The following RBFOX1 variants were observed in gnomAD, a reference collection of about 807,000 sequenced individuals.
RBFOX1 encodes the protein RNA binding fox-1 homolog 1.
RBFOX1 carries 8 observed loss-of-function variants against 57.7 expected under a neutral mutation model. That is an observed-to-expected ratio of 0.14 (90% CI 0.08 to 0.25). RBFOX1 has a LOEUF of 0.25. Among genes scored for constraint, RBFOX1 ranks in the 10% least tolerant of loss-of-function variants. The pLI is 1.00. For synonymous variants in RBFOX1, 326 were observed against 222.4 expected (o/e 1.47, Z -4.15); for missense variants, 611 against 548.5 (o/e 1.11, Z -1.14).
intron 4 of RBFOX1, among the ~76,000 whole-genome samples, chr16:7,135,320 C>G (rs531552781): frequency 7.9e-5 from 12 of 152,116 alleles, no homozygotes; most frequent in Non-Finnish European, 1.5e-4. Context: ...TATTTGTTTG[C>G]AAGAGGAAAT....
chr16:6,133,847 G>A (rs566603771), intron 1 of RBFOX1, among the ~76,000 whole-genome samples: 87 of 152,068 alleles, frequency 5.7e-4, no homozygotes, highest in African/African-American at 2.0e-3. Flanking sequence ...ACACACACAC[G>A]TTTGCTTACC....
At chr16:6,018,184 A>G (rs959026006), upstream of RBFOX1, among the ~76,000 whole-genome samples, 1 of 68,554 alleles carries the variant, frequency 1.5e-5, no homozygotes, top group Non-Finnish European at 2.6e-5. Context: ...AAGGGAGGAA[A>G]GGAGGAAGGA....
At chr16:7,381,090 C>T (rs965331361) in intron 4 of RBFOX1, among the ~76,000 whole-genome samples, 5 of 152,152 alleles carry the variant, frequency 3.3e-5, no homozygotes, top group African/African-American at 1.2e-4. Flanking sequence ...AGATGTTATG[C>T]GTCAAACAAA....
chr16:5,905,007 G>C (rs970741282), intron 4 of RBFOX1, among the ~76,000 whole-genome samples: 12 of 141,420 alleles, frequency 8.5e-5, no homozygotes, highest in African/African-American at 2.1e-4. Flanking sequence ...GAGGTAATCA[G>C]ATGAAAATAA....
At chr16:7,537,379 T>C (rs1460833656) in intron 5 of RBFOX1, among the ~76,000 whole-genome samples, 2 of 152,184 alleles carry the variant, frequency 1.3e-5, no homozygotes, top group Non-Finnish European at 2.9e-5. Flanking sequence ...AGAGTGACCA[T>C]TGAGGATGTG....
chr16:7,106,205 G>A lies in RBFOX1; in HGVS notation c.27+54107G>A, dbSNP rs112566452. On this transcript the variant is annotated intron_variant, in intron 4 of 15. Coordinates refer to ENST00000550418, the MANE Select transcript of RBFOX1 (RefSeq NM_018723.4). Reference sequence around the variant, plus strand: ...TTCCTGTGGGCTCTTTTTTGTTTTCGTGTGTCAGGTTCATAATGACTGTGT... The same window carrying A: ...TTCCTGTGGGCTCTTTTTTGTTTTCATGTGTCAGGTTCATAATGACTGTGT... 3.2e-3 allele frequency among the ~76,000 whole-genome samples: 488 copies of A among 152,094 alleles called. 4 individuals carry two copies. Among genetic ancestry groups the A allele is most frequent in the African/African-American group, 0.011 (458 of 41,472 alleles).
At chr16:7,690,339 A>G (rs2077046283) in intron 14 of RBFOX1, among the ~76,000 whole-genome samples, 3 of 152,212 alleles carry the variant, frequency 2.0e-5, no homozygotes, top group Admixed American at 6.6e-5. Context: ...AAGCATTTAA[A>G]AACTGCTGAG....
At chr16:6,241,209 A>T (rs1032825321) in intron 1 of RBFOX1, among the ~76,000 whole-genome samples, 4 of 152,202 alleles carry the variant, frequency 2.6e-5, no homozygotes, top group Non-Finnish European at 4.4e-5. Context: ...TCCCGTTCAG[A>T]CGGGGCACTA....
At chr16:7,545,321 G>A (rs1339690819) in intron 5 of RBFOX1, among the ~76,000 whole-genome samples, 1 of 151,862 alleles carries the variant, frequency 6.6e-6, no homozygotes, top group East Asian at 1.9e-4. Context: ...GGGTCATGGG[G>A]GTGGAGGTGG....
intron 2 of RBFOX1, among the ~76,000 whole-genome samples, chr16:6,605,583 A>C (rs753056649): frequency 1.3e-5 from 2 of 152,106 alleles, no homozygotes; most frequent in Non-Finnish European, 2.9e-5. Context: ...TCTCATTTTT[A>C]CTTGTGCTGC....
chr16:6,958,413 C>G (rs1047151419), intron 3 of RBFOX1, among the ~76,000 whole-genome samples: 3 of 152,024 alleles, frequency 2.0e-5, no homozygotes, highest in Admixed American at 2.0e-4. Flanking sequence ...TTTTTATGAT[C>G]GGGTATCATT....
chr16:6,725,211 C>T (rs967251273), intron 3 of RBFOX1, among the ~76,000 whole-genome samples: 2 of 151,892 alleles, frequency 1.3e-5, no homozygotes, highest in African/African-American at 4.8e-5. Context: ...CCACCATGCC[C>T]AGCTAATTTT....
intron 3 of RBFOX1, among the ~76,000 whole-genome samples, chr16:6,663,147 G>A (rs995292135): frequency 4.6e-5 from 7 of 152,194 alleles, no homozygotes; most frequent in African/African-American, 1.7e-4. Context: ...CTGAACTAGA[G>A]CCATGTAGGA....
intron 3 of RBFOX1, among the ~76,000 whole-genome samples, chr16:6,856,723 A>C (rs1261484597): frequency 6.6e-6 from 1 of 152,176 alleles, no homozygotes; most frequent in African/African-American, 2.4e-5. Flanking sequence ...CTCAATCACA[A>C]ACTACCATGA....
At chr16:7,426,206 T>G (rs1329693515) in intron 4 of RBFOX1, among the ~76,000 whole-genome samples, 1 of 152,170 alleles carries the variant, frequency 6.6e-6, no homozygotes, top group African/African-American at 2.4e-5. Context: ...CTTAAAGAAG[T>G]GATTACAGAG....
chr16:7,220,255 C>T (rs974099422), intron 4 of RBFOX1, among the ~76,000 whole-genome samples: 3 of 152,166 alleles, frequency 2.0e-5, no homozygotes, highest in African/African-American at 7.2e-5. Flanking sequence ...ATATAGTACT[C>T]GTCAGTGGGC....
chr16:6,345,190 G>A (rs540301380), intron 2 of RBFOX1, among the ~76,000 whole-genome samples: 3 of 152,164 alleles, frequency 2.0e-5, no homozygotes, highest in Non-Finnish European at 4.4e-5. Context: ...CCACATTGGC[G>A]CTGCGTCCAG....
At chr16:5,839,661 T>C (rs2056566458) in intron 3 of RBFOX1, among the ~76,000 whole-genome samples, 1 of 152,192 alleles carries the variant, frequency 6.6e-6, no homozygotes, top group Non-Finnish European at 1.5e-5. Flanking sequence ...GAATTCAAGC[T>C]TTACTTAACA....
intron 3 of RBFOX1, among the ~76,000 whole-genome samples, chr16:6,941,865 A>T (rs2078590501): frequency 6.6e-6 from 1 of 152,110 alleles, no homozygotes; most frequent in South Asian, 2.1e-4. Context: ...GGAGTGCAGT[A>T]AGTGCAATCA....
Sources: gnomAD v4.1 joint callset for allele counts (sites outside exome capture counted in the v4.1 genomes callset) on GRCh38, gnomAD v4.1.1 for gene constraint, MANE v1.5 for transcripts, NCBI Gene and HGNC (gene_info 2026-07-23, HGNC 2026-07-21) for gene names.